Variants in PCDHGB1 observed in about 807,000 individuals in gnomAD.
PCDHGB1 encodes the protein protocadherin gamma subfamily B, 1.
In PCDHGB1, 34 loss-of-function variants were observed where a neutral mutation model predicts 56.6. That is an observed-to-expected ratio of 0.60 (90% CI 0.46 to 0.80). PCDHGB1 has a LOEUF of 0.80. Among genes scored for constraint, PCDHGB1 ranks in the 30% least tolerant of loss-of-function variants. PCDHGB1 has a pLI of 0.00. For synonymous variants in PCDHGB1, 561 were observed against 505.9 expected, an observed-to-expected ratio of 1.11 and a Z score of -1.46; for missense variants, 1,278 against 1,204.6, an observed-to-expected ratio of 1.06 and a Z score of -0.90.
intron 1 of PCDHGB1, chr5:141,419,601 C>A (rs753678898): frequency 6.2e-7 from 1 of 1,611,818 alleles, no homozygotes; most frequent in Admixed American, 1.7e-5. Flanking sequence ...GTGCCGCGGG[C>A]CGCGCAGCCA....
At chr5:141,438,591 C>CATATATATATATAT (rs946798767) in intron 1 of PCDHGB1, among the ~76,000 whole-genome samples, 3 of 75,556 alleles carry the variant, frequency 4.0e-5, no homozygotes, top group Non-Finnish European at 8.0e-5. Context: ...TACATACATA[C>CATATATATATATAT]ATATATATAT....
Position 141,485,187 on chromosome 5 carries a change from T to A in PCDHGB1, c.2410-9620T>A, listed in dbSNP as rs1325714839. ...CGGGCGGCAGCAATGCTCCGCAAGG[T>A]GAGAAGCTGGACAGAAATCTGGCGG... On this transcript the variant is annotated intron_variant, in intron 1 of 3. Transcript: ENST00000523390. This position sits in a 1 kb window ranked among gnomAD's most constrained non-coding sequence, Gnocchi z 5.7. 1 of 1,613,502 alleles carries A rather than the reference T, an allele frequency of 6.2e-7. No individual in the cohort carries two copies. The highest frequency in any genetic ancestry group is 1.7e-5 in the Admixed American group (1 of 60,018).
chr5:141,375,743 G>C, intron 1 of PCDHGB1: 2 of 1,614,238 alleles, frequency 1.2e-6, no homozygotes, highest in East Asian at 2.2e-5. Flanking sequence ...GTTTGTGCTG[G>C]ACCAGAATGA....
At position 141,493,235 on chromosome 5, in the gene PCDHGB1, T is replaced by G. The variant is rs541360337; in HGVS notation, c.2410-1572T>G. Among the ~76,000 whole-genome samples the G allele has an allele frequency of 6.6e-6, 1 of 152,352 alleles. No homozygotes were observed. The highest frequency in any genetic ancestry group is 1.5e-5 in the Non-Finnish European group (1 of 68,036). On this transcript the variant is annotated intron_variant, in intron 1 of 3. Transcript: ENST00000523390. This position sits in a 1 kb window ranked among gnomAD's most constrained non-coding sequence, Gnocchi z 4.3. ...TGCTCTTCCCACCATTGCTGTTGGC[T>G]AGGTACTAACATGCCTCTCTTATAA...
intron 1 of PCDHGB1, chr5:141,390,294 TA>T: frequency 6.2e-7 from 1 of 1,613,956 alleles, no homozygotes; most frequent in South Asian, 1.1e-5. Flanking sequence ...GAGTTTCCTT[TA>T]AGTATAATTT....
At chr5:141,362,447 C>A (rs769703158) in intron 1 of PCDHGB1, 2 of 1,614,048 alleles carry the variant, frequency 1.2e-6, no homozygotes, top group East Asian at 2.2e-5. Context: ...CTGAACATAA[C>A]CCCGGAATTG....
At chr5:141,437,983 A>C (rs544812394) in intron 1 of PCDHGB1, among the ~76,000 whole-genome samples, 1 of 152,056 alleles carries the variant, frequency 6.6e-6, no homozygotes, top group Admixed American at 6.5e-5. Context: ...GGATGCACCC[A>C]CCCCACCTCA....
chr5:141,386,400 A>G (rs1180278109), intron 1 of PCDHGB1, among the ~76,000 whole-genome samples: 1 of 152,176 alleles, frequency 6.6e-6, no homozygotes, highest in Non-Finnish European at 1.5e-5. Flanking sequence ...ACTTTTAGCC[A>G]GGTATGGTGT....
At chr5:141,408,280 C>A in intron 1 of PCDHGB1, 4 of 1,612,648 alleles carry the variant, frequency 2.5e-6, no homozygotes, top group Non-Finnish European at 3.4e-6. Context: ...CTTTGTTCTA[C>A]CCCACCCTGA....
At chr5:141,435,730 T>C (rs913229799) in intron 1 of PCDHGB1, among the ~76,000 whole-genome samples, 1 of 152,226 alleles carries the variant, frequency 6.6e-6, no homozygotes, top group African/African-American at 2.4e-5. Context: ...TAAAGTGTAT[T>C]ACTCTTTGAA....
At chr5:141,442,053 G>A (rs888378256) in intron 1 of PCDHGB1, 3 of 197,472 alleles carry the variant, frequency 1.5e-5, no homozygotes, top group Non-Finnish European at 3.2e-5. Flanking sequence ...ACTGGTCGCG[G>A]TGCACTGCGG....
intron 1 of PCDHGB1, chr5:141,364,694 G>C (rs1404182809): frequency 4.3e-6 from 7 of 1,613,976 alleles, no homozygotes; most frequent in Non-Finnish European, 5.1e-6. Flanking sequence ...AGTAGAAGTA[G>C]AAATAATCGA....
chr5:141,393,776 C>G, intron 1 of PCDHGB1: 1 of 1,613,714 alleles, frequency 6.2e-7, no homozygotes, highest in Admixed American at 1.7e-5. Flanking sequence ...AAATACAAGC[C>G]GAAGATGTGG....
chr5:141,383,226 G>A (rs771882574), intron 1 of PCDHGB1: 1 of 1,613,936 alleles, frequency 6.2e-7, no homozygotes, highest in Non-Finnish European at 8.5e-7. Flanking sequence ...TTAACATCCT[G>A]ATGGAAGATA....
In PCDHGB1 at chr5:141,350,953, T is replaced by C; in HGVS notation, c.693T>C (p.Asp231=). 6.2e-7 allele frequency: 1 copy of C among 1,614,052 alleles called. No individual in the cohort carries two copies. The highest frequency in any genetic ancestry group is 8.5e-7 in the Non-Finnish European group (1 of 1,179,900). The part of the protein sequence containing the change: ...GTTHIWIRVT[D]ANDNAPVFSQ... The stretch of plus-strand genomic sequence containing the variant: ...CCCATATCTGGATCCGAGTTACGGA[T>C]GCCAATGATAATGCTCCCGTGTTTA... The change falls in exon 1 of 4, where the codon GAT becomes GAC. Residue 231 remains aspartate (D), a synonymous_variant. Coordinates refer to ENST00000523390, the MANE Select transcript of PCDHGB1 (RefSeq NM_018922.3).
At chr5:141,399,512 C>T (rs2093823931) in intron 1 of PCDHGB1, 1 of 1,614,044 alleles carries the variant, frequency 6.2e-7, no homozygotes, top group East Asian at 2.2e-5. Context: ...GAAAACAACC[C>T]TCCTGGGGCC....
chr5:141,410,018 T>C (rs773806211), intron 1 of PCDHGB1: 1 of 1,613,166 alleles, frequency 6.2e-7, no homozygotes, highest in African/African-American at 1.3e-5. Context: ...CTGGCTGTCC[T>C]ACCACGTGCT....
intron 1 of PCDHGB1, chr5:141,421,835 G>A (rs755889809): frequency 5.6e-6 from 9 of 1,613,746 alleles, no homozygotes; most frequent in Non-Finnish European, 6.8e-6. Context: ...AGCCTGGACC[G>A]AGAGAAAGAG....
At chr5:141,468,697 T>A (rs2099174099) in intron 1 of PCDHGB1, 1 of 151,646 alleles carries the variant, frequency 6.6e-6, no homozygotes, top group Non-Finnish European at 1.5e-5. Context: ...AAACCCCGTC[T>A]CTACTAAAAA....
Sources: gnomAD v4.1 joint callset for allele counts (sites outside exome capture counted in the v4.1 genomes callset) on GRCh38, gnomAD v4.1.1 for gene constraint, Gnocchi (gnomAD v3.1) non-coding constraint, MANE v1.5 for transcripts, NCBI Gene and HGNC (gene_info 2026-07-23, HGNC 2026-07-21) for gene names.